Variants in UBXN4 observed in about 807,000 individuals in gnomAD.
The protein encoded by UBXN4 is UBX domain-containing protein 4.
Under a neutral mutation model 66.2 loss-of-function variants are expected in UBXN4, and 35 were observed. That is an observed-to-expected ratio of 0.53 (90% confidence interval 0.40 to 0.70). The LOEUF (loss-of-function observed/expected upper bound fraction) is 0.70. Ranked by LOEUF, UBXN4 falls within the 30% of genes least tolerant of loss-of-function variation. UBXN4 has a pLI of 0.00. For synonymous variants in UBXN4, 203 were observed against 204.5 expected (o/e 0.99, Z 0.06); for missense variants, 533 against 599.8 (o/e 0.89, Z 1.16).
rs879857047 is a variant in UBXN4 at position 135,784,744 on chromosome 2, T to G, written c.*1857T>G. The G allele has an allele frequency of 4.6e-5, 7 of 152,566 alleles. No homozygotes were observed. Among genetic ancestry groups the G allele is most frequent in the Non-Finnish European group, 8.8e-5 (6 of 68,012 alleles). 9.5% of individuals were successfully genotyped at this position (152,566 alleles called of 1,614,324 possible). A position where few individuals can be genotyped will look rare whatever the true frequency, so the allele number is the denominator to read the frequency against. ...TAGAAATACATTTAAAAACATCGAG[T>G]ACCTCAAGTCAGTTTGCCTTGAAAA... On this transcript the variant is annotated 3_prime_UTR_variant, in exon 13 of 13. Transcript: ENST00000272638.
At chr2:135,760,917 T>A (rs909405917) in intron 5 of UBXN4, among the ~76,000 whole-genome samples, 1 of 152,230 alleles carries the variant, frequency 6.6e-6, no homozygotes, top group Non-Finnish European at 1.5e-5. Context: ...AGAAGAGATA[T>A]GCACCATCGT....
At chr2:135,742,992 T>G (rs2105488228) in intron 1 of UBXN4, among the ~76,000 whole-genome samples, 1 of 152,342 alleles carries the variant, frequency 6.6e-6, no homozygotes, top group East Asian at 1.9e-4. Context: ...CTTGTAGATT[T>G]ACAGTGAACT....
At chr2:135,757,948 T>C (rs889081667) in intron 5 of UBXN4, among the ~76,000 whole-genome samples, 3 of 152,068 alleles carry the variant, frequency 2.0e-5, no homozygotes, top group African/African-American at 7.2e-5. Context: ...TCTGGCTCTG[T>C]CACCCAGGCT....
At chr2:135,752,872 C>T (rs1020298309) in intron 2 of UBXN4, among the ~76,000 whole-genome samples, 13 of 151,916 alleles carry the variant, frequency 8.6e-5, no homozygotes, top group African/African-American at 3.1e-4. Flanking sequence ...AGGTGTGTGC[C>T]ACCACGCCGA....
chr2:135,770,534 C>G, intron 7 of UBXN4, 37 bp from the exon 8 acceptor site: 1 of 1,315,558 alleles, frequency 7.6e-7, no homozygotes, highest in South Asian at 1.9e-5. Flanking sequence ...GGCAGATTAT[C>G]AAGTTTTTGG....
intron 10 of UBXN4, among the ~76,000 whole-genome samples, chr2:135,777,146 G>T (rs1001056443): frequency 2.0e-5 from 3 of 152,174 alleles, no homozygotes; most frequent in Non-Finnish European, 4.4e-5. Flanking sequence ...TCCAAAAGGT[G>T]GCCTTACTCA....
At chr2:135,758,075 A>AT (rs70973477) in intron 5 of UBXN4, among the ~76,000 whole-genome samples, 25,234 of 139,776 alleles carry the variant, frequency 0.18, 3,631 homozygotes, top group African/African-American at 0.38. Context: ...CACCTGGCTA[A>AT]TTTTTTTTTT....
At chr2:135,770,238 T>C (rs1018939248) in intron 7 of UBXN4, among the ~76,000 whole-genome samples, 7 of 152,236 alleles carry the variant, frequency 4.6e-5, no homozygotes, top group Admixed American at 3.3e-4. Flanking sequence ...AGCATGTCTT[T>C]GGAGTTCTAA....
chr2:135,764,525 CAG>C (rs2077336046), intron 6 of UBXN4, among the ~76,000 whole-genome samples: 2 of 152,242 alleles, frequency 1.3e-5, no homozygotes, highest in South Asian at 4.1e-4. Context: ...ATTTATGAGG[CAG>C]AGTCTTGCCC....
At position 135,754,237 on chromosome 2, in the gene UBXN4, C is replaced by T; in HGVS notation, c.293C>T (p.Ser98Phe). ...TTGGAAGTAATAGCAGGAAGTGTTT[C>T]TGCAGATGAACTTGTTACAAGAATT... is the stretch of plus-strand genomic sequence containing the variant. Reference protein sequence around the residue: ...IPLEVIAGSVSADELVTRIHK... With the variant: ...IPLEVIAGSVFADELVTRIHK... The change falls in exon 4 of 13, where the codon TCT (serine) becomes TTT (phenylalanine). Residue 98 changes from serine (S) to phenylalanine (F), a missense_variant. By Grantham distance (155) the Ser-to-Phe change is radical (BLOSUM62 -2). Coordinates refer to ENST00000272638, the MANE Select transcript of UBXN4 (RefSeq NM_014607.4). 1 of 1,614,104 alleles carries T rather than the reference C, an allele frequency of 6.2e-7. No individual in the cohort carries two copies. The highest frequency in any genetic ancestry group is 8.5e-7 in the Non-Finnish European group (1 of 1,179,992).
intron 5 of UBXN4, among the ~76,000 whole-genome samples, chr2:135,757,334 G>A (rs2077284336): frequency 6.6e-6 from 1 of 152,054 alleles, no homozygotes; most frequent in Non-Finnish European, 1.5e-5. Flanking sequence ...TTAGTTGTAG[G>A]ATTTCTATTT....
At chr2:135,770,855 G>C in intron 8 of UBXN4, 120 bp downstream of exon 8, 1 of 986,420 alleles carries the variant, frequency 1.0e-6, no homozygotes, top group East Asian at 3.3e-5. Context: ...CCAATCCTGA[G>C]CTTCCTTTTA....
intron 9 of UBXN4, 138 bp downstream of exon 9, chr2:135,772,685 A>AT: frequency 9.2e-7 from 1 of 1,089,512 alleles, no homozygotes; most frequent in Non-Finnish European, 1.3e-6. Flanking sequence ...ACAGCTCCCA[A>AT]TGGTATCTCT....
chr2:135,753,800 G>A, intron 3 of UBXN4: 1 of 458,818 alleles, frequency 2.2e-6, no homozygotes, highest in Non-Finnish European at 3.8e-6. Context: ...ATAATATATT[G>A]CAGCTAAAGA....
At position 135,776,325 on chromosome 2, in the gene UBXN4, G is replaced by A; in HGVS notation, c.1027G>A (p.Glu343Lys). 1 of 1,613,914 alleles carries A rather than the reference G, an allele frequency of 6.2e-7. No homozygotes were observed. Among genetic ancestry groups the A allele is most frequent in the South Asian group, 1.1e-5 (1 of 91,068 alleles). ...TCAGTTCCCTTCTGATGCTCCTCTA[G>A]AAGAGGCAAGGCAGTTTGCTGCACA... ...TNQFPSDAPL[E>K]EARQFAAQTV... Residue 343 changes from glutamate (E) to lysine (K), a missense_variant, in exon 10 of 13, where the codon GAA (glutamate) becomes AAA (lysine). By Grantham distance (56) the Glu-to-Lys change is moderately conservative (BLOSUM62 1). This residue lies in a region of UBXN4 where 529 missense variants were observed against 580.1 expected (regional missense o/e 0.91). Transcript: ENST00000272638.
At chr2:135,748,466 G>T in intron 2 of UBXN4, 97 bp downstream of exon 2, 1 of 936,204 alleles carries the variant, frequency 1.1e-6, no homozygotes, top group Middle Eastern at 3.7e-4. Flanking sequence ...GTTGATGTTG[G>T]GCTGGGCACT....
At chr2:135,767,657 C>G in intron 6 of UBXN4, among the ~76,000 whole-genome samples, 1 of 152,172 alleles carries the variant, frequency 6.6e-6, no homozygotes, top group East Asian at 1.9e-4. Context: ...ATCCATTCTA[C>G]TGTTGGTGGA....
intron 2 of UBXN4, among the ~76,000 whole-genome samples, chr2:135,750,455 G>A (rs1219999802): frequency 6.6e-6 from 1 of 151,848 alleles, no homozygotes; most frequent in African/African-American, 2.4e-5. Context: ...GCAGTGAGCC[G>A]AGATTGCACC....
chr2:135,762,020 C>T, intron 6 of UBXN4, 109 bp downstream of exon 6: 2 of 1,188,768 alleles, frequency 1.7e-6, no homozygotes, highest in Non-Finnish European at 2.3e-6. Flanking sequence ...TTTTAGAATT[C>T]TGAGTTGAAA....
Sources: allele counts gnomAD v4.1 joint callset (sites outside exome capture counted in the v4.1 genomes callset), GRCh38; gene constraint gnomAD v4.1.1; regional missense constraint gnomAD v4.1.1; transcripts MANE v1.5; gene names NCBI Gene and HGNC (gene_info 2026-07-23, HGNC 2026-07-21).